The following MTHFD1L variants were observed in gnomAD, a reference collection of about 807,000 sequenced individuals.
MTHFD1L encodes the protein monofunctional C1-tetrahydrofolate synthase, mitochondrial.
A neutral mutation model predicts 119.5 loss-of-function variants in MTHFD1L; 81 were observed. The observed-to-expected ratio is 0.68, with a 90% CI of 0.57 to 0.82. MTHFD1L has a LOEUF of 0.82. Among genes scored for constraint, MTHFD1L ranks in the 40% least tolerant of loss-of-function variants. MTHFD1L has a pLI of 0.00. For missense variants in MTHFD1L, 1,125 were observed against 1,253.4 expected, an observed-to-expected ratio of 0.90 and a Z score of 1.55; for synonymous variants, 430 against 475.2, an observed-to-expected ratio of 0.90 and a Z score of 1.24.
chr6:151,083,257 G>A (rs1584427097), intron 26 of MTHFD1L, among the ~76,000 whole-genome samples: 1 of 152,068 alleles, frequency 6.6e-6, no homozygotes, highest in East Asian at 1.9e-4. Flanking sequence ...GAGTGCAGTG[G>A]TGCCATCTCG....
intron 11 of MTHFD1L, among the ~76,000 whole-genome samples, chr6:150,933,477 T>C (rs1272365509): frequency 6.6e-6 from 1 of 152,074 alleles, no homozygotes; most frequent in Non-Finnish European, 1.5e-5. Context: ...TGTATAACTT[T>C]CAGTCTTCAC....
chr6:150,888,099 C>A, intron 7 of MTHFD1L, 118 bp downstream of exon 7: 1 of 1,111,454 alleles, frequency 9.0e-7, no homozygotes, highest in Non-Finnish European at 1.2e-6. Context: ...TTGAATAGAC[C>A]CATATCCATT....
chr6:150,936,981 TGGG>T, intron 12 of MTHFD1L, 41 bp downstream of exon 12: 1 of 1,602,120 alleles, frequency 6.2e-7, no homozygotes, highest in Non-Finnish European at 8.5e-7. Context: ...AGGGCAAAGT[TGGG>T]GGGAGAGAAT....
chr6:151,086,090 A>C (rs1328635264), intron 26 of MTHFD1L, among the ~76,000 whole-genome samples: 1 of 152,152 alleles, frequency 6.6e-6, no homozygotes, highest in African/African-American at 2.4e-5. Flanking sequence ...ATGAGAGAGA[A>C]GTATACTCTA....
At chr6:151,076,649 TAAA>T (rs36053787) in intron 26 of MTHFD1L, among the ~76,000 whole-genome samples, 6 of 116,836 alleles carry the variant, frequency 5.1e-5, no homozygotes, top group African/African-American at 6.4e-5. Flanking sequence ...ATACTCTGTC[TAAA>T]AAAAAAAAAA....
chr6:151,079,346 G>A (rs1792889815), intron 26 of MTHFD1L, among the ~76,000 whole-genome samples: 1 of 152,084 alleles, frequency 6.6e-6, no homozygotes, highest in Non-Finnish European at 1.5e-5. Flanking sequence ...GCAGCGAAAG[G>A]CAAAAAGACA....
chr6:150,938,678 G>C, intron 12 of MTHFD1L, 21 bp from the exon 13 acceptor site: 1 of 1,606,050 alleles, frequency 6.2e-7, no homozygotes, highest in East Asian at 2.2e-5. Flanking sequence ...CGTTTGAAAT[G>C]CCTCTTGCTC....
intron 10 of MTHFD1L, among the ~76,000 whole-genome samples, chr6:150,925,501 T>C (rs1462930392): frequency 6.6e-6 from 1 of 152,202 alleles, no homozygotes; most frequent in East Asian, 1.9e-4. Context: ...TACAATTTCC[T>C]GTCTGAACTT....
At chr6:151,068,290 G>T (rs909938081) in intron 26 of MTHFD1L, among the ~76,000 whole-genome samples, 1 of 152,244 alleles carries the variant, frequency 6.6e-6, no homozygotes, top group Non-Finnish European at 1.5e-5. Flanking sequence ...GATTTTGCGG[G>T]CCTGAAGCCT....
chr6:151,044,987 T>A (rs1214205782), intron 26 of MTHFD1L, among the ~76,000 whole-genome samples: 2 of 152,212 alleles, frequency 1.3e-5, no homozygotes, highest in Non-Finnish European at 2.9e-5. Flanking sequence ...CTCCCTCTAC[T>A]GTAAAAGTAT....
chr6:151,061,743 T>C (rs927429943), intron 26 of MTHFD1L, among the ~76,000 whole-genome samples: 7 of 152,152 alleles, frequency 4.6e-5, no homozygotes, highest in African/African-American at 1.4e-4. Flanking sequence ...AACCAGGTCT[T>C]CTAGAGAGAA....
intron 20 of MTHFD1L, among the ~76,000 whole-genome samples, chr6:150,981,481 G>T (rs114084021): frequency 1.4e-3 from 210 of 152,198 alleles, no homozygotes; most frequent in African/African-American, 4.6e-3. Flanking sequence ...ACAGATGTGC[G>T]GCTTTTCTTG....
At chr6:150,881,502 T>C (rs1029245557) in intron 4 of MTHFD1L, among the ~76,000 whole-genome samples, 1 of 152,178 alleles carries the variant, frequency 6.6e-6, no homozygotes, top group Non-Finnish European at 1.5e-5. Context: ...AGTTAAGATT[T>C]GTGTTGGCAT....
At chr6:151,093,713 T>C (rs1302154220) in intron 27 of MTHFD1L, among the ~76,000 whole-genome samples, 1 of 151,706 alleles carries the variant, frequency 6.6e-6, no homozygotes, top group Non-Finnish European at 1.5e-5. Flanking sequence ...GCATATCTTT[T>C]AGGGGACACA....
intron 4 of MTHFD1L, among the ~76,000 whole-genome samples, chr6:150,881,434 C>T (rs1298088687): frequency 6.6e-6 from 1 of 152,118 alleles, no homozygotes; most frequent in African/African-American, 2.4e-5. Context: ...TGGGAAAATT[C>T]TCATAGAGTG....
intron 19 of MTHFD1L, among the ~76,000 whole-genome samples, chr6:150,966,964 T>G (rs548722784): frequency 6.6e-6 from 1 of 152,112 alleles, no homozygotes; most frequent in African/African-American, 2.4e-5. Flanking sequence ...GGGGGAGGGG[T>G]GCAGGATGCA....
intron 5 of MTHFD1L, among the ~76,000 whole-genome samples, chr6:150,884,362 G>C (rs1223607767): frequency 6.6e-6 from 1 of 151,782 alleles, no homozygotes; most frequent in African/African-American, 2.4e-5. Flanking sequence ...GGATGGTCTC[G>C]ATCTCCTGAC....
intron 20 of MTHFD1L, among the ~76,000 whole-genome samples, chr6:151,008,528 T>C (rs1297844770): frequency 2.0e-5 from 3 of 152,186 alleles, no homozygotes; most frequent in African/African-American, 4.8e-5. Flanking sequence ...GGCTCTCAGA[T>C]ACTGCTGATG....
Position 150,906,115 on chromosome 6 carries a change from C to T in MTHFD1L, c.892+354C>T, listed in dbSNP as rs546921528. On this transcript the variant is annotated intron_variant, in intron 8 of 27. Transcript: ENST00000367321. ...AAACCCTTTCTTCCAAAGAAATCTTCGTGGAATCTCACTATGTAAAAGCAG... is the reference window on the plus strand; with the variant it reads ...AAACCCTTTCTTCCAAAGAAATCTTTGTGGAATCTCACTATGTAAAAGCAG... 1.2e-4 allele frequency among the ~76,000 whole-genome samples: 18 copies of T among 152,314 alleles called. No individual in the cohort carries two copies. The South Asian group carries it at 2.7e-3, about 23-fold the overall frequency.
Sources: allele counts gnomAD v4.1 joint callset (sites outside exome capture counted in the v4.1 genomes callset), GRCh38; gene constraint gnomAD v4.1.1; transcripts MANE v1.5; gene names NCBI Gene and HGNC (gene_info 2026-07-23, HGNC 2026-07-21).